Variants in DOCK8 observed in about 807,000 individuals in gnomAD.
The protein encoded by DOCK8 is dedicator of cytokinesis protein 8.
In DOCK8, 141 loss-of-function variants were observed where a neutral mutation model predicts 245.6. That is an observed-to-expected ratio of 0.57 (90% CI 0.50 to 0.66). The LOEUF (loss-of-function observed/expected upper bound fraction) is 0.66, where lower values mean the gene tolerates loss of function less well. Ranked by LOEUF, DOCK8 falls within the 30% of genes least tolerant of loss-of-function variation. The pLI, the probability that DOCK8 is intolerant of heterozygous loss-of-function variation, is 0.00. For missense variants in DOCK8, 2,965 were observed against 2,603.4 expected (o/e 1.14, Z -3.02); for synonymous variants, 1,168 against 970.2 (o/e 1.20, Z -3.79).
chr9:385,594 C>T (rs1012063104), intron 22 of DOCK8, among the ~76,000 whole-genome samples: 1 of 152,148 alleles, frequency 6.6e-6, no homozygotes, highest in Non-Finnish European at 1.5e-5. Flanking sequence ...TCTATGACAT[C>T]GTGTTGGTAG....
intron 14 of DOCK8, among the ~76,000 whole-genome samples, chr9:356,438 G>C (rs2052449995): frequency 6.6e-6 from 1 of 151,362 alleles, no homozygotes; most frequent in African/African-American, 2.4e-5. Flanking sequence ...GCTGAGGCAG[G>C]AGAATAGCGT....
At position 340,170 on chromosome 9, in the gene DOCK8, C is replaced by A. The variant is rs771479299; in HGVS notation, c.1528C>A (p.Leu510Met). 1.4e-5 allele frequency: 23 copies of A among 1,613,998 alleles called. No homozygotes were observed. Among genetic ancestry groups the A allele is most frequent in the Non-Finnish European group, 1.9e-5 (22 of 1,180,006 alleles). The change falls in exon 14 of 48, where the codon CTG becomes ATG. Residue 510 changes from leucine (L) to methionine (M), a missense_variant. Physicochemically the swap from Leu to Met is conservative, Grantham distance 15. Around this residue, in one of 3 missense-constraint regions of DOCK8, gnomAD observed 2,825 missense variants for 2,453.5 expected, o/e 1.15. Transcript: ENST00000432829. The stretch of plus-strand genomic sequence containing the variant: ...TTTTCTCTCTTTAGGCTTGCTAAGA[C>A]TGGAGATTTCTACAGCTCCAGAGAT... ...RVKSIPGLLR[L>M]EISTAPEIIN...
chr9:215,380 G>C, intron 1 of DOCK8: 1 of 1,586,300 alleles, frequency 6.3e-7, no homozygotes, highest in Non-Finnish European at 8.6e-7. Flanking sequence ...TGTTGGGCGC[G>C]CCACGGAGTG....
Position 336,597 on chromosome 9 carries a change from G to C in DOCK8, c.1301G>C (p.Gly434Ala). The change falls in exon 12 of 48, where the codon GGT becomes GCT. Residue 434 changes from glycine (G) to alanine (A), a missense_variant. This residue lies in a region of DOCK8 where 2,825 missense variants were observed against 2,453.5 expected (regional missense o/e 1.15). Transcript: ENST00000432829. The stretch of plus-strand genomic sequence containing the variant: ...TTTCTTAAAGGGAGAAGCTCAGTGG[G>C]TGAACGGAGGACATTGGCCCAATCT... ...VDSVVGRSSV[G>A]ERRTLAQSRR... The C allele has an allele frequency of 6.2e-7, 1 of 1,614,180 alleles. No individual in the cohort carries two copies. Among genetic ancestry groups the C allele is most frequent in the Non-Finnish European group, 8.5e-7 (1 of 1,180,014 alleles).
At chr9:283,216 C>T (rs902506411) in intron 2 of DOCK8, among the ~76,000 whole-genome samples, 1 of 152,142 alleles carries the variant, frequency 6.6e-6, no homozygotes, top group Non-Finnish European at 1.5e-5. Context: ...AAATCTCTAG[C>T]CTCGCTTTCT....
intron 28 of DOCK8, among the ~76,000 whole-genome samples, chr9:411,200 G>A (rs951952688): frequency 6.6e-6 from 1 of 152,108 alleles, no homozygotes; most frequent in Non-Finnish European, 1.5e-5. Flanking sequence ...ATCACCTGAG[G>A]TCAAGAGTTC....
chr9:403,870 C>CTG (rs1194881141), intron 26 of DOCK8, among the ~76,000 whole-genome samples: 5,340 of 84,918 alleles, frequency 0.063, 158 homozygotes, highest in Non-Finnish European at 0.077. Context: ...CTCTCTCTCT[C>CTG]TCTCTCTCTC....
In DOCK8 at chr9:451,275, C is replaced by T. The variant is rs569396597; in HGVS notation, c.5962-736C>T. On this transcript the variant is annotated intron_variant, in intron 45 of 47. Transcript: ENST00000432829. ...GTAGTGAGCTGAGATTATGCCACTG[C>T]GCTCCAGCCTGAGTGACAGAGTAAG... Among the ~76,000 whole-genome samples, 21 of 151,994 alleles carry T rather than the reference C, an allele frequency of 1.4e-4. No homozygotes were observed. The South Asian group carries it at 1.9e-3, about 14-fold the overall frequency.
At chr9:333,773 G>A (rs368744049) in intron 10 of DOCK8, among the ~76,000 whole-genome samples, 1 of 152,062 alleles carries the variant, frequency 6.6e-6, no homozygotes, top group South Asian at 2.1e-4. Flanking sequence ...AACTTCCTAA[G>A]GAGTTGTTAG....
intron 2 of DOCK8, among the ~76,000 whole-genome samples, chr9:281,739 G>C (rs922618046): frequency 6.6e-6 from 1 of 151,974 alleles, no homozygotes; most frequent in Non-Finnish European, 1.5e-5. Flanking sequence ...ATCTTTTTTA[G>C]TTCCTGGTTA....
At position 379,795 on chromosome 9, in the gene DOCK8, A is replaced by T. The variant is rs1205631078; in HGVS notation, c.2465A>T (p.Glu822Val). 6.2e-7 allele frequency: 1 copy of T among 1,614,112 alleles called. No individual in the cohort carries two copies. Among genetic ancestry groups the T allele is most frequent in the African/African-American group, 1.3e-5 (1 of 74,924 alleles). The change falls in exon 21 of 48, where the codon GAG becomes GTG. Residue 822 changes from glutamate to valine, a missense_variant. Physicochemically the swap from Glu to Val is moderately radical, Grantham distance 121 (BLOSUM62 -2). This residue lies in a region of DOCK8 where 2,825 missense variants were observed against 2,453.5 expected (regional missense o/e 1.15). Transcript: ENST00000432829. ...QTANFSQFAF[E>V]SVVAIANSLH... The stretch of plus-strand genomic sequence containing the variant: ...GCCAACTTCTCCCAGTTTGCCTTCG[A>T]GTCCGTGGTGGCCATCGCCAACAGT...
intron 1 of DOCK8, among the ~76,000 whole-genome samples, chr9:218,062 A>G (rs2131325452): frequency 6.6e-6 from 1 of 152,352 alleles, no homozygotes; most frequent in Admixed American, 6.5e-5. Context: ...ATATATAAAC[A>G]TTAACAATGT....
At chr9:255,432 C>A (rs946145933) in intron 1 of DOCK8, among the ~76,000 whole-genome samples, 1 of 152,122 alleles carries the variant, frequency 6.6e-6, no homozygotes, top group Non-Finnish European at 1.5e-5. Flanking sequence ...CTTTGGGAGG[C>A]CAAGGCGGGC....
intron 1 of DOCK8, among the ~76,000 whole-genome samples, chr9:221,319 C>G (rs916130050): frequency 3.3e-5 from 5 of 152,206 alleles, no homozygotes; most frequent in Admixed American, 1.3e-4. Flanking sequence ...GCAGCCGGCC[C>G]TCTGCATCTG....
chr9:357,695 C>T (rs1000270033), intron 14 of DOCK8, among the ~76,000 whole-genome samples: 3 of 152,132 alleles, frequency 2.0e-5, no homozygotes, highest in Admixed American at 1.3e-4. Flanking sequence ...GCAGCCTGGC[C>T]TGTGGAGGAC....
At chr9:334,036 T>C (rs2051184760) in intron 10 of DOCK8, among the ~76,000 whole-genome samples, 189 bp from the exon 11 acceptor site, 1 of 118,918 alleles carries the variant, frequency 8.4e-6, no homozygotes, top group African/African-American at 3.0e-5. Flanking sequence ...CTTTATTTCC[T>C]TATCAGCTAG....
At chr9:329,295 T>C (rs2050901980) in intron 9 of DOCK8, among the ~76,000 whole-genome samples, 1 of 152,074 alleles carries the variant, frequency 6.6e-6, no homozygotes, top group Admixed American at 6.6e-5. Context: ...AGGTGTCTGA[T>C]TTCATGTGCC....
In DOCK8 at chr9:377,111, G is replaced by C. The variant is rs10814431; in HGVS notation, c.2340G>C (p.Leu780=). The part of the protein sequence containing the change: ...EHELKLSIIC[L]NSSRLEPLVL... ...AGCTGAAGCTCAGCATCATCTGCCT[G>C]AACTCCTCCCGCCTGGAGCCGCTCG... is the stretch of plus-strand genomic sequence containing the variant. Residue 780 remains leucine (L), a synonymous_variant, in exon 20 of 48, where the codon CTG becomes CTC. Transcript: ENST00000432829. The C allele has an allele frequency of 0.24, 394,307 of 1,610,908 alleles. 49,661 individuals carry two copies. Among genetic ancestry groups the C allele is most frequent in the Middle Eastern group, 0.29 (1,722 of 5,998 alleles).
chr9:355,192 C>CTTTTCTTTTT (rs2052367988), intron 14 of DOCK8, among the ~76,000 whole-genome samples: 1 of 121,090 alleles, frequency 8.3e-6, no homozygotes, highest in African/African-American at 3.3e-5. Flanking sequence ...TGTTTCTTTT[C>CTTTTCTTTTT]TTTTTTTTTT....
Sources: gnomAD v4.1 joint callset for allele counts (sites outside exome capture counted in the v4.1 genomes callset) on GRCh38, gnomAD v4.1.1 for gene constraint, gnomAD v4.1.1 regional missense constraint, MANE v1.5 for transcripts, NCBI Gene and HGNC (gene_info 2026-07-23, HGNC 2026-07-21) for gene names.